Variants in ERBB2 observed in about 807,000 individuals in gnomAD.
ERBB2 encodes receptor tyrosine-protein kinase erbB-2.
A neutral mutation model predicts 149.0 loss-of-function variants in ERBB2; 61 were observed. The ratio of observed to expected loss-of-function variants is 0.41; its 90% confidence interval spans 0.33 to 0.51. The LOEUF (loss-of-function observed/expected upper bound fraction) is 0.51. Among genes scored for constraint, ERBB2 ranks in the 20% least tolerant of loss-of-function variants. The probability of loss-of-function intolerance (pLI) is 0.25; values close to 1 mark genes in which losing one functional copy is unlikely to be tolerated. For synonymous variants in ERBB2, 633 were observed against 678.8 expected (o/e 0.93, Z 1.05); for missense variants, 1,205 against 1,655.1 (o/e 0.73, Z 4.72).
chr17:39,714,747 C>T (rs2059017074), intron 9 of ERBB2, among the ~76,000 whole-genome samples: 1 of 151,544 alleles, frequency 6.6e-6, no homozygotes, highest in Non-Finnish European at 1.5e-5. Flanking sequence ...CCCTAGGCCA[C>T]ATTCCTAGAA....
chr17:39,716,248 G>T (rs2059117957), intron 12 of ERBB2, 53 bp from the exon 13 acceptor site: 2 of 1,511,150 alleles, frequency 1.3e-6, no homozygotes, highest in East Asian at 2.4e-5. Flanking sequence ...TGGTTCACTT[G>T]GACCTGGGGC....
upstream of ERBB2, among the ~76,000 whole-genome samples, chr17:39,691,574 TACACACACACACAC>T (rs1173386743): frequency 1.1e-4 from 14 of 122,064 alleles, no homozygotes; most frequent in Non-Finnish European, 2.1e-4. Context: ...TATATATATA[TACACACACACACAC>T]ACACACACAC....
Position 39,723,063 on chromosome 17 carries a change from G to A in ERBB2, c.1947-256G>A, listed in dbSNP as rs1385207366. ...ACACCATGAATTGTTGAAGCCCTAA[G>A]CCAGAGCCAAGGGCAAGAGTATAGA... On this transcript the variant is annotated intron_variant, in intron 16 of 26. Transcript: ENST00000269571. This position sits in a 1 kb window ranked among gnomAD's most constrained non-coding sequence, Gnocchi z 6.2. 2.0e-5 allele frequency among the ~76,000 whole-genome samples: 3 copies of A among 152,152 alleles called. No homozygotes were observed. The highest frequency in any genetic ancestry group is 4.4e-5 in the Non-Finnish European group (3 of 68,024).
intron 15 of ERBB2, 80 bp from the exon 16 acceptor site, chr17:39,719,707 C>T: frequency 2.1e-6 from 3 of 1,442,876 alleles, no homozygotes; most frequent in Non-Finnish European, 2.9e-6. Context: ...CACACCCCTC[C>T]CAGGGTTGTT....
upstream of ERBB2, among the ~76,000 whole-genome samples, chr17:39,696,261 T>C (rs1043829303): frequency 1.3e-5 from 2 of 151,994 alleles, no homozygotes; most frequent in African/African-American, 4.8e-5. Flanking sequence ...TTTCAGAGGC[T>C]CGGCCCCTCT....
chr17:39,717,960 C>T (rs1217431049), intron 15 of ERBB2, among the ~76,000 whole-genome samples: 4 of 152,116 alleles, frequency 2.6e-5, no homozygotes, highest in South Asian at 2.1e-4. Context: ...ATTACGGGAA[C>T]GTGCTACCTT....
rs1330005268 is a variant in ERBB2 at position 39,719,778 on chromosome 17, C to T, written c.1899-9C>T. On this transcript the variant is annotated splice_polypyrimidine_tract_variant and intron_variant, in intron 15 of 26. Transcript: ENST00000269571. ...CCCAGAATTGTTGATGAGACTGTTT[C>T]TCCTGCAGCTGTGTGGACCTGGATG... 1.2e-6 allele frequency: 2 copies of T among 1,614,102 alleles called. No individual in the cohort carries two copies. Among genetic ancestry groups the T allele is most frequent in the Admixed American group, 3.3e-5 (2 of 60,026 alleles).
intron 2 of ERBB2, 194 bp from the exon 3 acceptor site, chr17:39,708,127 T>A (rs2058564907): frequency 3.8e-6 from 2 of 530,120 alleles, no homozygotes; most frequent in African/African-American, 3.8e-5. Context: ...TTATCTTTCT[T>A]GATCATATAA....
chr17:39,692,684 C>T (rs374704654), upstream of ERBB2, among the ~76,000 whole-genome samples: 32 of 152,174 alleles, frequency 2.1e-4, 1 homozygote, highest in South Asian at 5.4e-3. Context: ...GGATTACAGG[C>T]GTGAGCCACC....
chr17:39,700,450 C>G, intron 1 of ERBB2, 139 bp downstream of exon 1: 2 of 699,450 alleles, frequency 2.9e-6, no homozygotes, highest in Non-Finnish European at 4.0e-6. Flanking sequence ...TCGAGACGCT[C>G]AGGGCAGCCG....
upstream of ERBB2, chr17:39,696,731 C>T (rs558193389): frequency 1.2e-4 from 18 of 152,336 alleles, no homozygotes; most frequent in South Asian, 1.9e-3. Flanking sequence ...TTCTGAGGAA[C>T]GTGGCTGTAG....
At chr17:39,698,495 G>A (rs1217635372), upstream of ERBB2, among the ~76,000 whole-genome samples, 1 of 151,986 alleles carries the variant, frequency 6.6e-6, no homozygotes, top group African/African-American at 2.4e-5. Context: ...TCCTGACCTC[G>A]TGATCTGCCT....
At position 39,728,165 on chromosome 17, in the gene ERBB2, C is replaced by T. The variant is rs2059884880; in HGVS notation, c.*121C>T. 1 of 688,688 alleles carries T rather than the reference C, an allele frequency of 1.5e-6. No individual in the cohort carries two copies. The highest frequency in any genetic ancestry group is 1.8e-5 in the African/African-American group (1 of 55,746). 42.7% of individuals were successfully genotyped at this position (688,688 alleles called of 1,614,324 possible). A position where few individuals can be genotyped will look rare whatever the true frequency, so the allele number is the denominator to read the frequency against. On this transcript the variant is annotated 3_prime_UTR_variant, in exon 27 of 27. Coordinates refer to ENST00000269571, the MANE Select transcript of ERBB2 (RefSeq NM_004448.4). ...CCACTTCCAGGGGAACCTGCCATGC[C>T]AGGAACCTGTCCTAAGGAACCTTCC...
chr17:39,690,910 T>C (rs2057680644), upstream of ERBB2, among the ~76,000 whole-genome samples: 2 of 151,778 alleles, frequency 1.3e-5, no homozygotes, highest in Non-Finnish European at 2.9e-5. Context: ...TCCCAGCACT[T>C]TGGGAGGGCG....
At chr17:39,724,531 T>A (rs1480277663) in intron 19 of ERBB2, among the ~76,000 whole-genome samples, 195 bp from the exon 20 acceptor site, 1 of 152,070 alleles carries the variant, frequency 6.6e-6, no homozygotes, top group Non-Finnish European at 1.5e-5. Context: ...GTGCTGGGAT[T>A]ACAGGTGTGA....
chr17:39,694,277 A>G (rs1303341202), upstream of ERBB2, among the ~76,000 whole-genome samples: 5 of 56,920 alleles, frequency 8.8e-5, no homozygotes, highest in South Asian at 1.5e-3. Flanking sequence ...ATGTGTGTAT[A>G]TATATATATA....
chr17:39,694,260 T>TATATACACAC (rs1555612022), upstream of ERBB2, among the ~76,000 whole-genome samples: 9 of 23,484 alleles, frequency 3.8e-4, no homozygotes, highest in Non-Finnish European at 8.8e-4. Flanking sequence ...TATATATATA[T>TATATACACAC]ATATATATGT....
chr17:39,696,322 C>T (rs1240803909), upstream of ERBB2, among the ~76,000 whole-genome samples: 1 of 152,204 alleles, frequency 6.6e-6, no homozygotes, highest in Non-Finnish European at 1.5e-5. Flanking sequence ...TCCCCCCATC[C>T]CCACTCCAGC....
At chr17:39,699,477 C>T, upstream of ERBB2, 1 of 1,410,342 alleles carries the variant, frequency 7.1e-7, no homozygotes, top group Non-Finnish European at 9.5e-7. Flanking sequence ...AAAAAAAAGT[C>T]CTTTCGATGT....
Sources: gnomAD v4.1 joint callset for allele counts (sites outside exome capture counted in the v4.1 genomes callset) on GRCh38, gnomAD v4.1.1 for gene constraint, Gnocchi (gnomAD v3.1) non-coding constraint, MANE v1.5 for transcripts, NCBI Gene and HGNC (gene_info 2026-07-23, HGNC 2026-07-21) for gene names.